IDE: variants seen among roughly 807,000 people sequenced by gnomAD.
The protein encoded by IDE is insulin degrading enzyme, also known as insulin-degrading enzyme.
In IDE, 58 loss-of-function variants were observed where a neutral mutation model predicts 133.2. The ratio of observed to expected loss-of-function variants is 0.44; its 90% CI spans 0.35 to 0.54. The LOEUF (loss-of-function observed/expected upper bound fraction) is 0.54. IDE is among the 20% of genes least tolerant of loss of function. The pLI is 0.00. For missense variants in IDE, 981 were observed against 1,234.0 expected, an observed-to-expected ratio of 0.79 and a Z score of 3.07; for synonymous variants, 396 against 421.3, an observed-to-expected ratio of 0.94 and a Z score of 0.73.
At chr10:92,524,379 A>AT (rs1849434529) in intron 4 of IDE, among the ~76,000 whole-genome samples, 1 of 93,838 alleles carries the variant, frequency 1.1e-5, no homozygotes, top group East Asian at 2.8e-4. Context: ...TATATATTAT[A>AT]TATAATATAT....
intron 1 of IDE, among the ~76,000 whole-genome samples, chr10:92,538,992 T>C (rs1316562303): frequency 6.6e-6 from 1 of 152,124 alleles, no homozygotes; most frequent in Non-Finnish European, 1.5e-5. Flanking sequence ...GGGGAAGAAA[T>C]AGGCATACAA....
intron 15 of IDE, chr10:92,478,741 A>G (rs1385276489): frequency 7.8e-7 from 1 of 1,277,730 alleles, no homozygotes; most frequent in African/African-American, 1.5e-5. Context: ...ATAACCTGAT[A>G]AACAGGTATG....
At chr10:92,531,997 T>A (rs573836221) in intron 3 of IDE, 80 bp from the exon 4 acceptor site, 1 of 1,007,320 alleles carries the variant, frequency 9.9e-7, no homozygotes, top group Non-Finnish European at 1.4e-6. Context: ...TTGGAACTTA[T>A]TAGATAGGAA....
At position 92,531,827 on chromosome 10, in the gene IDE, C is replaced by T. The variant is rs550092178; in HGVS notation, c.582G>A (p.Val194=). The change falls in exon 4 of 25, where the codon GTG becomes GTA. Residue 194 remains valine, a synonymous_variant. Transcript: ENST00000265986. ...GAAAGAGTCTCCAGGCATCATTCAT[C>T]ACATTCTTCTCATGTTCTGAATCAA... ...NAVDSEHEKN[V]MNDAWRLFQL... is the part of the protein sequence containing the mutation. 3.7e-6 allele frequency: 6 copies of T among 1,608,782 alleles called. No homozygotes were observed. The East Asian group carries it at 1.3e-4, about 36-fold the overall frequency.
At chr10:92,530,170 G>A (rs1261108979) in intron 4 of IDE, among the ~76,000 whole-genome samples, 2 of 151,978 alleles carry the variant, frequency 1.3e-5, no homozygotes, top group African/African-American at 2.4e-5. Flanking sequence ...AGGTTGTAGC[G>A]AGCTGAAATC....
intron 3 of IDE, among the ~76,000 whole-genome samples, chr10:92,533,434 T>C (rs1317302902): frequency 6.6e-6 from 1 of 152,066 alleles, no homozygotes; most frequent in Non-Finnish European, 1.5e-5. Flanking sequence ...AACCTTGCCT[T>C]GATAATGTTT....
chr10:92,514,836 T>C, intron 5 of IDE, 84 bp downstream of exon 5: 1 of 1,119,770 alleles, frequency 8.9e-7, no homozygotes, highest in Non-Finnish European at 1.3e-6. Flanking sequence ...AGCTCTATCT[T>C]ATATCCATCT....
chr10:92,515,187 G>A (rs1271252716), intron 4 of IDE, 145 bp from the exon 5 acceptor site: 6 of 631,456 alleles, frequency 9.5e-6, no homozygotes, highest in Admixed American at 2.7e-5. Context: ...TGAATGTTAA[G>A]TGAATAAACA....
At chr10:92,544,536 C>T (rs1363802327) in intron 1 of IDE, among the ~76,000 whole-genome samples, 1 of 152,142 alleles carries the variant, frequency 6.6e-6, no homozygotes, top group Non-Finnish European at 1.5e-5. Flanking sequence ...AAAGAGGAAG[C>T]GTGGGAAGGG....
chr10:92,532,070 A>G (rs997810076), intron 3 of IDE, among the ~76,000 whole-genome samples, 153 bp from the exon 4 acceptor site: 2 of 152,210 alleles, frequency 1.3e-5, no homozygotes, highest in Non-Finnish European at 2.9e-5. Flanking sequence ...GGAGTATAAA[A>G]TAAGTGCTAT....
At chr10:92,549,660 C>G (rs1417285465) in intron 1 of IDE, among the ~76,000 whole-genome samples, 1 of 144,812 alleles carries the variant, frequency 6.9e-6, no homozygotes, top group African/African-American at 2.9e-5. Flanking sequence ...ACTGAATACT[C>G]AGTCAGTATC....
rs553442465 is a variant in IDE at position 92,471,961 on chromosome 10, C to G, written c.2117-1616G>C. On this transcript the variant is annotated intron_variant, in intron 17 of 24. Transcript: ENST00000265986. ...AGTCTTGGGCTGGGTGCATGGCAGG[C>G]AGTCAGTAAATGCTGCTGGACCACA... 4.6e-5 allele frequency among the ~76,000 whole-genome samples: 7 copies of G among 152,238 alleles called. No homozygotes were observed. In the South Asian group the frequency reaches 1.2e-3, roughly 27 times the overall value.
intron 24 of IDE, among the ~76,000 whole-genome samples, chr10:92,455,141 G>A (rs563581223): frequency 2.6e-5 from 4 of 152,214 alleles, no homozygotes; most frequent in Non-Finnish European, 5.9e-5. Flanking sequence ...AACACCTGGT[G>A]ACCTGAAACT....
At chr10:92,476,793 A>G (rs542567209) in intron 15 of IDE, among the ~76,000 whole-genome samples, 1 of 152,358 alleles carries the variant, frequency 6.6e-6, no homozygotes, top group African/African-American at 2.4e-5. Flanking sequence ...TTCTTCAAAA[A>G]GAATATCTAA....
chr10:92,540,677 G>C (rs1842258138), intron 1 of IDE, among the ~76,000 whole-genome samples: 1 of 152,152 alleles, frequency 6.6e-6, no homozygotes, highest in Admixed American at 6.5e-5. Context: ...TGATGATGAT[G>C]ATGGTCTAAA....
intron 22 of IDE, among the ~76,000 whole-genome samples, chr10:92,458,802 T>C (rs1845189108): frequency 6.6e-6 from 1 of 151,598 alleles, no homozygotes; most frequent in Non-Finnish European, 1.5e-5. Context: ...GCCCAGCCCC[T>C]CTCTCTTTTT....
chr10:92,554,973 G>C (rs1288169510), intron 1 of IDE: 1 of 152,132 alleles, frequency 6.6e-6, no homozygotes, highest in Non-Finnish European at 1.5e-5. Flanking sequence ...AAATTCAACA[G>C]CCTTTCACGG....
chr10:92,553,083 G>GT (rs1842866318), intron 1 of IDE, among the ~76,000 whole-genome samples: 2 of 151,720 alleles, frequency 1.3e-5, no homozygotes, highest in South Asian at 2.1e-4. Context: ...ATTTTCAGCC[G>GT]TAAGTTAAGA....
At chr10:92,509,822 G>C (rs1225611002) in intron 6 of IDE, among the ~76,000 whole-genome samples, 1 of 151,106 alleles carries the variant, frequency 6.6e-6, no homozygotes, top group Admixed American at 6.6e-5. Flanking sequence ...TCAGAAGGCT[G>C]AGGTGGGAGG....
Sources: allele counts gnomAD v4.1 joint callset (sites outside exome capture counted in the v4.1 genomes callset), GRCh38; gene constraint gnomAD v4.1.1; transcripts MANE v1.5; gene names NCBI Gene and HGNC (gene_info 2026-07-23, HGNC 2026-07-21).